The following RIMS2 variants were observed in gnomAD, a reference collection of about 807,000 sequenced individuals.
RIMS2 encodes the protein regulating synaptic membrane exocytosis protein 2.
In RIMS2, 59 loss-of-function variants were observed where a neutral mutation model predicts 174.4. The observed-to-expected ratio is 0.34, with a 90% CI of 0.27 to 0.42. The LOEUF is 0.42. Among genes scored for constraint, RIMS2 ranks in the 10% least tolerant of loss-of-function variants. The pLI, the probability that RIMS2 is intolerant of heterozygous loss-of-function variation, is 1.00. For missense variants in RIMS2, 1,620 were observed against 1,666.3 expected (o/e 0.97, Z 0.48); for synonymous variants, 606 against 572.5 (o/e 1.06, Z -0.84).
At position 103,989,209 on chromosome 8, in the gene RIMS2, G is replaced by A. The variant is rs879006255; in HGVS notation, c.2928-96G>A. ...AACAAAATTTGGACTTCACCATATAGTGACTTTGTCTTTTTCTACTGTGCT... is the reference window on the plus strand; with the variant it reads ...AACAAAATTTGGACTTCACCATATAATGACTTTGTCTTTTTCTACTGTGCT... On this transcript the variant is annotated intron_variant, in intron 16 of 23. Transcript: ENST00000504942. The A allele has an allele frequency of 1.3e-4, 95 of 748,250 alleles. 1 individual carries two copies. In the South Asian group the frequency reaches 1.6e-3, roughly 12 times the overall value. 46.4% of individuals were successfully genotyped at this position (748,250 alleles called of 1,614,324 possible).
chr8:103,860,485 G>A (rs2099052536), intron 3 of RIMS2, among the ~76,000 whole-genome samples: 1 of 151,880 alleles, frequency 6.6e-6, no homozygotes, highest in South Asian at 2.1e-4. Context: ...TTATTGTTAG[G>A]CATTTGGGGG....
intron 10 of RIMS2, among the ~76,000 whole-genome samples, chr8:103,923,441 A>C (rs1327754891): frequency 6.6e-6 from 1 of 151,924 alleles, no homozygotes; most frequent in Non-Finnish European, 1.5e-5. Flanking sequence ...TGAGAAGCAT[A>C]GGTCAGGGAT....
chr8:103,968,155 T>G (rs2092367682), intron 15 of RIMS2, among the ~76,000 whole-genome samples: 1 of 152,150 alleles, frequency 6.6e-6, no homozygotes, highest in Non-Finnish European at 1.5e-5. Flanking sequence ...TGAGCCATCA[T>G]GCCTGGCCTA....
chr8:104,250,456 G>A (rs1449753207), intron 22 of RIMS2, among the ~76,000 whole-genome samples: 1 of 152,050 alleles, frequency 6.6e-6, no homozygotes, highest in Non-Finnish European at 1.5e-5. Context: ...AACTCACTCT[G>A]CTATAAAAAA....
At chr8:104,206,876 G>A (rs888548707) in intron 19 of RIMS2, among the ~76,000 whole-genome samples, 5 of 152,202 alleles carry the variant, frequency 3.3e-5, no homozygotes, top group African/African-American at 9.6e-5. Flanking sequence ...ACAAGGGAGG[G>A]ATAGAAGGTA....
At chr8:103,971,684 G>T (rs2092895592) in intron 15 of RIMS2, among the ~76,000 whole-genome samples, 1 of 151,768 alleles carries the variant, frequency 6.6e-6, no homozygotes, top group East Asian at 1.9e-4. Flanking sequence ...CAATGCGTCT[G>T]CCTCAGCCTC....
At chr8:103,705,161 C>T (rs1035849257) in intron 2 of RIMS2, among the ~76,000 whole-genome samples, 3 of 151,938 alleles carry the variant, frequency 2.0e-5, no homozygotes, top group African/African-American at 7.2e-5. Flanking sequence ...TAAATTTGTT[C>T]CAAGACAATT....
chr8:103,711,435 ATCATTATAATAGCAATTTTAAT>A (rs1331063107), intron 2 of RIMS2, among the ~76,000 whole-genome samples: 2 of 152,218 alleles, frequency 1.3e-5, no homozygotes, highest in Non-Finnish European at 1.5e-5. Flanking sequence ...CCATTTGTGA[ATCATTATAATAGCAATTTTAAT>A]TTAAAAATGA....
intron 12 of RIMS2, among the ~76,000 whole-genome samples, chr8:103,934,961 T>C (rs944062841): frequency 6.6e-6 from 1 of 152,182 alleles, no homozygotes; most frequent in African/African-American, 2.4e-5. Context: ...CCTCCCAAAG[T>C]GCTGGGATTA....
chr8:103,842,256 A>G (rs79567597), intron 3 of RIMS2, among the ~76,000 whole-genome samples: 4,727 of 152,178 alleles, frequency 0.031, 223 homozygotes, highest in African/African-American at 0.11. Flanking sequence ...TAAGTGAAAA[A>G]ATACAGTTAT....
At chr8:104,094,773 C>CTT in intron 19 of RIMS2, 1 of 589,714 alleles carries the variant, frequency 1.7e-6, no homozygotes, top group Non-Finnish European at 3.0e-6. Flanking sequence ...GTAATGTAGT[C>CTT]TTTTTTACCA....
At chr8:103,685,435 A>G (rs2096930191) in intron 1 of RIMS2, among the ~76,000 whole-genome samples, 1 of 152,126 alleles carries the variant, frequency 6.6e-6, no homozygotes, top group Non-Finnish European at 1.5e-5. Flanking sequence ...CAAGCCATTT[A>G]TGAGGGATCC....
chr8:104,075,844 C>T (rs1034939181), intron 19 of RIMS2, among the ~76,000 whole-genome samples: 2 of 152,052 alleles, frequency 1.3e-5, no homozygotes, highest in Non-Finnish European at 2.9e-5. Flanking sequence ...ATGATACTGC[C>T]GCCTACTATA....
At chr8:103,647,008 T>C (rs1248996867) in intron 1 of RIMS2, among the ~76,000 whole-genome samples, 1 of 152,028 alleles carries the variant, frequency 6.6e-6, no homozygotes, top group Non-Finnish European at 1.5e-5. Flanking sequence ...GGTATGTTTT[T>C]TCCATGCCTA....
chr8:104,112,011 A>G (rs1439037419), intron 19 of RIMS2, among the ~76,000 whole-genome samples: 3 of 152,110 alleles, frequency 2.0e-5, no homozygotes, highest in Admixed American at 2.0e-4. Context: ...TTGTTATTTA[A>G]TGATTATGAG....
chr8:104,112,847 TCGTTTTTAAAACTG>T (rs2098213938), intron 19 of RIMS2, among the ~76,000 whole-genome samples: 1 of 152,176 alleles, frequency 6.6e-6, no homozygotes. Context: ...CCTATTTCAG[TCGTTTTTAAAACTG>T]CAGTTTTTCA....
Position 103,958,850 on chromosome 8 carries a change from G to A in RIMS2, c.2702-2215G>A, listed in dbSNP as rs866177659. Among the ~76,000 whole-genome samples the A allele has an allele frequency of 3.9e-5, 6 of 152,290 alleles. No homozygotes were observed. In the Middle Eastern group the frequency reaches 0.01, roughly 259 times the overall value. On this transcript the variant is annotated intron_variant, in intron 14 of 23. Transcript: ENST00000504942. ...AGTCTGAGAAAAGTCACTTGCCAAA[G>A]ACCACGAAGAGGAGCTAGTGAAAAA...
At chr8:103,792,445 A>T (rs1407158473) in intron 3 of RIMS2, among the ~76,000 whole-genome samples, 1 of 152,140 alleles carries the variant, frequency 6.6e-6, no homozygotes, top group Non-Finnish European at 1.5e-5. Flanking sequence ...AATTTATAGC[A>T]CTAAATGCCC....
chr8:104,033,121 GA>G (rs2096436435), intron 19 of RIMS2, among the ~76,000 whole-genome samples: 1 of 151,842 alleles, frequency 6.6e-6, no homozygotes, highest in Admixed American at 6.6e-5. Context: ...AGTACCTACT[GA>G]AAATGTAATA....
Sources: allele counts gnomAD v4.1 joint callset (sites outside exome capture counted in the v4.1 genomes callset), GRCh38; gene constraint gnomAD v4.1.1; transcripts MANE v1.5; gene names NCBI Gene and HGNC (gene_info 2026-07-23, HGNC 2026-07-21).